CDH15: variants seen among roughly 807,000 people sequenced by gnomAD.
The protein encoded by CDH15 is cadherin-15.
In CDH15, 73 loss-of-function variants were observed where a neutral mutation model predicts 69.4. The observed-to-expected ratio is 1.05, with a 90% CI of 0.87 to 1.28. The LOEUF is 1.28. Among genes scored for constraint, CDH15 ranks in the 50% most tolerant of loss-of-function variants. The pLI is 0.00. For synonymous variants in CDH15, 624 were observed against 507.7 expected (o/e 1.23, Z -3.08); for missense variants, 1,343 against 1,133.6 (o/e 1.18, Z -2.65).
rs1915774120 is a variant in CDH15 at position 89,195,130 on chromosome 16, C to T, written c.2420C>T (p.Pro807Leu). 2 of 1,601,434 alleles carry T rather than the reference C, an allele frequency of 1.2e-6. No homozygotes were observed. The highest frequency in any genetic ancestry group is 1.3e-5 in the African/African-American group (1 of 74,774). ...REGLSPGALL[P>L]RHRGRTA ...GGTCTTTCTCCTGGGGCACTGCTAC[C>T]CAGACACAGAGGCCGGACAGCCTGA... is the stretch of plus-strand genomic sequence containing the variant. The change falls in exon 14 of 14, where the codon CCC becomes CTC. Residue 807 changes from proline to leucine, a missense_variant. Transcript: ENST00000289746.
chr16:89,186,741 C>T (rs1407276518), intron 5 of CDH15, among the ~76,000 whole-genome samples: 1 of 148,370 alleles, frequency 6.7e-6, no homozygotes, highest in Non-Finnish European at 1.5e-5. Flanking sequence ...TCACCCAGCG[C>T]ACAGAAGGTG....
At chr16:89,192,031 C>T (rs1915659356) in intron 10 of CDH15, 137 bp downstream of exon 10, 6 of 1,157,508 alleles carry the variant, frequency 5.2e-6, no homozygotes, top group Admixed American at 2.2e-5. Context: ...GCCACCCCCC[C>T]CACCACTGCA....
In CDH15 at chr16:89,189,003, A is replaced by G. The variant is rs536222366; in HGVS notation, c.978+718A>G. Among the ~76,000 whole-genome samples, 12 of 140,044 alleles carry G rather than the reference A, an allele frequency of 8.6e-5. No individual in the cohort carries two copies. In the East Asian group the frequency reaches 1.2e-3, roughly 14 times the overall value. The allele number at this position is 140,044 out of a possible 152,430, so 91.9% of individuals were successfully genotyped here. A position where few individuals can be genotyped will look rare whatever the true frequency, so the allele number is the denominator to read the frequency against. ...CCCACACACAGACACCCACACACAG[A>G]TGCCCACACACAGGTGCCCACACAC... On this transcript the variant is annotated intron_variant, in intron 7 of 13. Transcript: ENST00000289746.
At chr16:89,179,031 C>G (rs886994700) in intron 1 of CDH15, among the ~76,000 whole-genome samples, 1 of 152,232 alleles carries the variant, frequency 6.6e-6, no homozygotes, top group African/African-American at 2.4e-5. Context: ...GGGTGAATCT[C>G]AGGTGTCCCT....
Position 89,183,657 on chromosome 16 carries a change from C to G in CDH15, c.467C>G (p.Ala156Gly), listed in dbSNP as rs962270036. The G allele has an allele frequency of 6.2e-7, 1 of 1,612,170 alleles. No individual in the cohort carries two copies. The highest frequency in any genetic ancestry group is 8.5e-7 in the Non-Finnish European group (1 of 1,179,210). Residue 156 changes from alanine (A) to glycine (G), a missense_variant, in exon 4 of 14, where the codon GCG (alanine) becomes GGG (glycine). Coordinates refer to ENST00000289746, the MANE Select transcript of CDH15 (RefSeq NM_004933.3). Reference protein sequence around the residue: ...NDNRPAFLQEAFTGRVLEGAV... With the variant: ...NDNRPAFLQEGFTGRVLEGAV... ...AACCGGCCAGCCTTCCTGCAGGAGG[C>G]GTTCACTGGCCGCGTGCTGGAGGGT...
At chr16:89,181,008 C>T (rs556071301) in intron 3 of CDH15, among the ~76,000 whole-genome samples, 53 of 126,268 alleles carry the variant, frequency 4.2e-4, no homozygotes, top group Non-Finnish European at 7.9e-4. Flanking sequence ...TTCACTCTAC[C>T]GCCCAGGCTG....
At chr16:89,175,666 C>T (rs993409598) in intron 1 of CDH15, among the ~76,000 whole-genome samples, 4 of 152,228 alleles carry the variant, frequency 2.6e-5, no homozygotes, top group Non-Finnish European at 4.4e-5. Context: ...GGCAGGTTTC[C>T]ACTTGGCAGG....
At chr16:89,192,590 C>G in intron 11 of CDH15, 146 bp downstream of exon 11, 1 of 579,434 alleles carries the variant, frequency 1.7e-6, no homozygotes, top group Non-Finnish European at 3.0e-6. Context: ...ACGCCGCTTC[C>G]TCCCCAGCTC....
intron 6 of CDH15, 27 bp from the exon 7 acceptor site, chr16:89,188,073 T>C: frequency 6.3e-7 from 1 of 1,589,548 alleles, no homozygotes; most frequent in Non-Finnish European, 8.6e-7. Flanking sequence ...GCCCTGCTGG[T>C]AACTGGGGCT....
chr16:89,179,515 G>C lies in CDH15; in HGVS notation c.142G>C (p.Val48Leu). Residue 48 changes from valine (V) to leucine (L), a missense_variant, in exon 2 of 14, where the codon GTC (valine) becomes CTC (leucine). By Grantham distance (32) the Val-to-Leu change is conservative. Transcript: ENST00000289746. ...PALSRVRRAW[V>L]IPPISVSENH... ...CCTGAGCCGCGTGCGGAGGGCCTGG[G>C]TCATCCCCCCGATCAGCGTATCCGA... is the stretch of plus-strand genomic sequence containing the variant. 6.2e-7 allele frequency: 1 copy of C among 1,612,960 alleles called. No individual in the cohort carries two copies. Among genetic ancestry groups the C allele is most frequent in the Non-Finnish European group, 8.5e-7 (1 of 1,179,614 alleles).
intron 11 of CDH15, among the ~76,000 whole-genome samples, chr16:89,193,058 G>T (rs1438714425): frequency 6.0e-5 from 1 of 16,726 alleles, no homozygotes; most frequent in Non-Finnish European, 1.0e-4. Flanking sequence ...CCCCAGCTCC[G>T]CCTCCTCCCT....
At position 89,192,350 on chromosome 16, in the gene CDH15, C is replaced by A; in HGVS notation, c.1761C>A (p.Val587=). The A allele has an allele frequency of 6.5e-7, 1 of 1,536,658 alleles. No homozygotes were observed. The highest frequency in any genetic ancestry group is 8.7e-7 in the Non-Finnish European group (1 of 1,147,760). Residue 587 remains valine (V), a synonymous_variant, in exon 11 of 14, where the codon GTC becomes GTA. Coordinates refer to ENST00000289746, the MANE Select transcript of CDH15 (RefSeq NM_004933.3). ...VTVCRCGKDG[V]CLPGAAALLA... ...TGTGCCGCTGCGGCAAGGACGGCGT[C>A]TGCCTGCCGGGGGCCGCAGCGCTGC... is the stretch of plus-strand genomic sequence containing the variant.
At chr16:89,193,988 G>A in intron 13 of CDH15, 75 bp downstream of exon 13, 1 of 1,497,226 alleles carries the variant, frequency 6.7e-7, no homozygotes, top group Non-Finnish European at 9.1e-7. Context: ...GTACACACCT[G>A]CACATGCATG....
chr16:89,179,272 C>T (rs111407619), intron 1 of CDH15, 144 bp from the exon 2 acceptor site: 22 of 886,462 alleles, frequency 2.5e-5, no homozygotes, highest in Middle Eastern at 3.5e-4. Flanking sequence ...GTGTGGAAGC[C>T]GCCTTGCGCC....
At chr16:89,185,121 C>T in intron 4 of CDH15, 52 bp from the exon 5 acceptor site, 1 of 1,538,408 alleles carries the variant, frequency 6.5e-7, no homozygotes, top group South Asian at 1.2e-5. Context: ...ACAATGCCCC[C>T]AGCCCATCGG....
chr16:89,191,938 C>G (rs1466503997), intron 10 of CDH15, 44 bp downstream of exon 10: 1 of 1,498,044 alleles, frequency 6.7e-7, no homozygotes, highest in East Asian at 2.5e-5. Flanking sequence ...CCCACGCTCC[C>G]CCCACCCCCA....
chr16:89,189,318 C>T (rs1188735876), intron 7 of CDH15, among the ~76,000 whole-genome samples: 2 of 142,912 alleles, frequency 1.4e-5, no homozygotes, highest in Non-Finnish European at 3.2e-5. Context: ...TGCCGGCACA[C>T]ACACATGCCG....
At chr16:89,194,605 G>A (rs1219173395) in intron 13 of CDH15, among the ~76,000 whole-genome samples, 3 of 152,184 alleles carry the variant, frequency 2.0e-5, no homozygotes, top group Non-Finnish European at 2.9e-5. Flanking sequence ...ACCTTGCTGG[G>A]GCAGGGCAGA....
intron 4 of CDH15, 109 bp from the exon 5 acceptor site, chr16:89,185,064 T>C: frequency 1.8e-6 from 2 of 1,089,992 alleles, no homozygotes; most frequent in Middle Eastern, 2.7e-4. Context: ...GGGTCAGCCG[T>C]GCTGGAACCG....
Sources: gnomAD v4.1 joint callset for allele counts (sites outside exome capture counted in the v4.1 genomes callset) on GRCh38, gnomAD v4.1.1 for gene constraint, MANE v1.5 for transcripts, NCBI Gene and HGNC (gene_info 2026-07-23, HGNC 2026-07-21) for gene names.